Variants in NF1 observed in about 807,000 individuals in gnomAD.
The protein encoded by NF1 is neurofibromin.
In NF1, 122 loss-of-function variants were observed where a neutral mutation model predicts 325.7. The observed-to-expected ratio is 0.37, with a 90% confidence interval of 0.32 to 0.44. The LOEUF is 0.44. Among genes scored for constraint, NF1 ranks in the 20% least tolerant of loss-of-function variants. The pLI, the probability that NF1 is intolerant of heterozygous loss-of-function variation, is 1.00. For synonymous variants in NF1, 1,091 were observed against 1,186.0 expected, an observed-to-expected ratio of 0.92 and a Z score of 1.65; for missense variants, 2,140 against 3,415.4, an observed-to-expected ratio of 0.63 and a Z score of 9.31.
At chr17:31,263,823 T>C (rs1052679672) in intron 35 of NF1, among the ~76,000 whole-genome samples, 1 of 152,026 alleles carries the variant, frequency 6.6e-6, no homozygotes, top group Non-Finnish European at 1.5e-5. Context: ...TAAAAAATTA[T>C]TAAATTACTT....
At chr17:31,339,914 T>C (rs2069773262) in intron 46 of NF1, among the ~76,000 whole-genome samples, 1 of 151,984 alleles carries the variant, frequency 6.6e-6, no homozygotes, top group African/African-American at 2.4e-5. Flanking sequence ...GCCAGGACAA[T>C]GGAGGGAAGG....
At chr17:31,141,584 T>C (rs982975904) in intron 1 of NF1, among the ~76,000 whole-genome samples, 5 of 152,210 alleles carry the variant, frequency 3.3e-5, no homozygotes, top group African/African-American at 1.2e-4. Context: ...TTTCAGCACT[T>C]AGACTCACAA....
intron 23 of NF1, 64 bp from the exon 24 acceptor site, chr17:31,230,778 T>A (rs1440165938): frequency 8.1e-7 from 1 of 1,230,562 alleles, no homozygotes; most frequent in African/African-American, 1.5e-5. Flanking sequence ...CTTACGTGAC[T>A]AAAGGTGTGT....
At chr17:31,110,394 G>C (rs1466310205) in intron 1 of NF1, among the ~76,000 whole-genome samples, 2 of 152,174 alleles carry the variant, frequency 1.3e-5, no homozygotes, top group Non-Finnish European at 2.9e-5. Flanking sequence ...GGAAACTAGA[G>C]AGGAAGTGCA....
At chr17:31,282,309 G>A (rs1339526016) in intron 36 of NF1, among the ~76,000 whole-genome samples, 2 of 151,540 alleles carry the variant, frequency 1.3e-5, no homozygotes, top group South Asian at 2.1e-4. Flanking sequence ...TTGAACCTGG[G>A]AGGCGGAGCT....
chr17:31,153,277 C>T (rs2905788), intron 1 of NF1, among the ~76,000 whole-genome samples: 81,675 of 152,158 alleles, frequency 0.54, 25,802 homozygotes, highest in Middle Eastern at 0.76. Flanking sequence ...GATTTCTTGT[C>T]TATACCAGCT....
At chr17:31,289,101 A>G (rs2068299265) in intron 36 of NF1, among the ~76,000 whole-genome samples, 1 of 152,200 alleles carries the variant, frequency 6.6e-6, no homozygotes, top group Non-Finnish European at 1.5e-5. Context: ...TTCTAGGGGC[A>G]AGTGAATGTC....
intron 57 of NF1, among the ~76,000 whole-genome samples, chr17:31,365,213 A>G (rs957998291): frequency 6.8e-6 from 1 of 147,808 alleles, no homozygotes. Context: ...TGAGCCGGAG[A>G]GGTCAAGGCT....
intron 5 of NF1, among the ~76,000 whole-genome samples, chr17:31,179,893 C>T (rs1012181949): frequency 1.3e-4 from 19 of 151,798 alleles, no homozygotes; most frequent in African/African-American, 2.4e-4. Context: ...ATCAAATAGA[C>T]GCAATAAAAA....
intron 57 of NF1, among the ~76,000 whole-genome samples, chr17:31,366,716 C>T (rs1038121415): frequency 6.6e-6 from 1 of 152,180 alleles, no homozygotes; most frequent in Admixed American, 6.5e-5. Flanking sequence ...TCATGAGACC[C>T]TCGTCTTTTA....
chr17:31,159,242 C>G (rs974754652), intron 3 of NF1, 149 bp downstream of exon 3: 2 of 615,124 alleles, frequency 3.3e-6, no homozygotes, highest in Middle Eastern at 5.1e-4. Flanking sequence ...TATAGCTGAC[C>G]TGGTGACAGA....
intron 29 of NF1, among the ~76,000 whole-genome samples, chr17:31,244,329 C>T (rs945102254): frequency 1.3e-5 from 2 of 152,176 alleles, no homozygotes; most frequent in African/African-American, 2.4e-5. Flanking sequence ...CTGGCTGTCT[C>T]ACTAGGTCCA....
intron 2 of NF1, among the ~76,000 whole-genome samples, chr17:31,156,473 A>G (rs2065664738): frequency 6.6e-6 from 1 of 152,246 alleles, no homozygotes; most frequent in Non-Finnish European, 1.5e-5. Context: ...AATTGACCAC[A>G]GTAATCCATT....
intron 4 of NF1, among the ~76,000 whole-genome samples, chr17:31,168,968 T>C (rs1396101926): frequency 6.6e-6 from 1 of 152,210 alleles, no homozygotes; most frequent in Non-Finnish European, 1.5e-5. Flanking sequence ...ACAGTCCATG[T>C]AGGGAATGCA....
intron 35 of NF1, 47 bp downstream of exon 35, chr17:31,261,904 A>T (rs1341686492): frequency 4.4e-6 from 7 of 1,605,342 alleles, no homozygotes; most frequent in Non-Finnish European, 6.0e-6. Flanking sequence ...TTTGGTTGAG[A>T]AGGAGAGTTT....
At position 31,337,379 on chromosome 17, in the gene NF1, C is replaced by G. The variant is rs1555534859; in HGVS notation, c.6439C>G (p.Gln2147Glu). The G allele has an allele frequency of 1.2e-6, 2 of 1,613,638 alleles. No individual in the cohort carries two copies. Among genetic ancestry groups the G allele is most frequent in the Non-Finnish European group, 1.7e-6 (2 of 1,179,616 alleles). ...SQLHFSEETKQVLRLSLTEFS... is the reference protein window; with the variant it reads ...SQLHFSEETKEVLRLSLTEFS... The stretch of plus-strand genomic sequence containing the variant: ...TTATTCTCTTACAGAAGAGACCAAG[C>G]AAGTTTTGAGACTCAGTCTGACAGA... The change falls in exon 43 of 58, where the codon CAA (glutamine) becomes GAA (glutamate). Residue 2147 changes from glutamine (Q) to glutamate (E), a missense_variant. Transcript: ENST00000358273.
intron 50 of NF1, among the ~76,000 whole-genome samples, chr17:31,351,955 A>C (rs1317080090): frequency 6.6e-6 from 1 of 152,048 alleles, no homozygotes; most frequent in Non-Finnish European, 1.5e-5. Context: ...TGGCCCAGGA[A>C]AGCTAAGAGA....
chr17:31,364,488 A>AT lies in NF1; in HGVS notation c.8377+3786dup, dbSNP rs141283400. ...CATTTTCTACTAGCAAATCAACAAA[A>AT]TAAGAGATTCATGAACCTCTCCTCC... On this transcript the variant is annotated intron_variant, in intron 57 of 57. Transcript: ENST00000358273. Among the ~76,000 whole-genome samples, 78 of 152,368 alleles carry AT rather than the reference A, an allele frequency of 5.1e-4. 2 individuals carry two copies. The East Asian group carries it at 0.014, about 27-fold the overall frequency.
At chr17:31,264,007 G>C (rs963295622) in intron 35 of NF1, among the ~76,000 whole-genome samples, 1 of 151,854 alleles carries the variant, frequency 6.6e-6, no homozygotes, top group African/African-American at 2.4e-5. Flanking sequence ...TTAAAATTCT[G>C]ACCTGGTACC....
Sources: gnomAD v4.1 joint callset for allele counts (sites outside exome capture counted in the v4.1 genomes callset) on GRCh38, gnomAD v4.1.1 for gene constraint, MANE v1.5 for transcripts, NCBI Gene and HGNC (gene_info 2026-07-23, HGNC 2026-07-21) for gene names.